The following WDR5 variants were observed in gnomAD, a reference collection of about 807,000 sequenced individuals.
The protein encoded by WDR5 is WD repeat domain 5, also known as WD repeat-containing protein 5.
For synonymous variants in WDR5, 144 were observed against 161.6 expected, an observed-to-expected ratio of 0.89 and a Z score of 0.83; for missense variants, 187 against 416.9, an observed-to-expected ratio of 0.45 and a Z score of 4.80.
intron 7 of WDR5, among the ~76,000 whole-genome samples, chr9:134,145,424 A>G (rs908985149): frequency 1.3e-5 from 2 of 152,148 alleles, no homozygotes; most frequent in Non-Finnish European, 1.5e-5. Context: ...GTCTGCGCAC[A>G]TCTATGCCCT....
At chr9:134,142,159 C>T (rs1831925133) in intron 5 of WDR5, 121 bp downstream of exon 5, 6 of 483,230 alleles carry the variant, frequency 1.2e-5, no homozygotes, top group Middle Eastern at 4.6e-4. Context: ...GGAAGACTGG[C>T]TGCAGGGGCA....
chr9:134,140,860 C>T (rs1831848040), intron 3 of WDR5, 49 bp downstream of exon 3: 1 of 1,567,816 alleles, frequency 6.4e-7, no homozygotes, highest in East Asian at 2.2e-5. Context: ...GTCTGAGCTG[C>T]AGACAAAAAG....
At chr9:134,155,672 G>C in intron 11 of WDR5, 21 bp from the exon 12 acceptor site, 1 of 1,612,986 alleles carries the variant, frequency 6.2e-7, no homozygotes, top group Non-Finnish European at 8.5e-7. Context: ...TCTGTGACCA[G>C]CCTGTCCCCT....
rs113336732 is a variant in WDR5, at chr9:134,159,695, G to A, written c.*1702G>A. Reference sequence around the variant, plus strand: ...TGAAAATGGGTTGGTTTTTGTCTTCGACGCTCAGGGTCTGGGCGCCTCGCA... The same window carrying A: ...TGAAAATGGGTTGGTTTTTGTCTTCAACGCTCAGGGTCTGGGCGCCTCGCA... On this transcript the variant is annotated 3_prime_UTR_variant, in exon 14 of 14. Coordinates refer to ENST00000358625, the MANE Select transcript of WDR5 (RefSeq NM_017588.3). The surrounding 1 kb of genome is among the most constrained non-coding windows in gnomAD (Gnocchi z 4.3). 6.6e-6 allele frequency: 1 copy of A among 152,142 alleles called. No homozygotes were observed. The allele number at this position is 152,142 out of a possible 1,614,324, so 9.4% of individuals were successfully genotyped here. A position where few individuals can be genotyped will look rare whatever the true frequency, so the allele number is the denominator to read the frequency against.
chr9:134,143,358 T>C (rs1834779884), intron 7 of WDR5, among the ~76,000 whole-genome samples: 1 of 152,116 alleles, frequency 6.6e-6, no homozygotes, highest in African/African-American at 2.4e-5. Flanking sequence ...CTGGCCAACA[T>C]GGTGAAACCC....
chr9:134,155,568 G>T, intron 11 of WDR5, 125 bp from the exon 12 acceptor site: 1 of 1,271,186 alleles, frequency 7.9e-7, no homozygotes, highest in Middle Eastern at 1.9e-4. Flanking sequence ...GATTGTGTGG[G>T]TTTGGTACTT....
intron 1 of WDR5, among the ~76,000 whole-genome samples, chr9:134,137,626 G>A (rs1283050257): frequency 6.8e-6 from 1 of 147,174 alleles, no homozygotes; most frequent in Admixed American, 7.0e-5. Flanking sequence ...GGAGGTTGTA[G>A]TGAGCCCAGA....
chr9:134,157,278 C>T lies in WDR5; in HGVS notation c.905-615C>T, dbSNP rs1038803658. ...GGGCCTGGGCCTTCCCCTGGGTCCT[C>T]GCCGGCGTTCTGGGGTTCTTTGGTT... On this transcript the variant is annotated intron_variant, in intron 13 of 13. Coordinates refer to ENST00000358625, the MANE Select transcript of WDR5 (RefSeq NM_017588.3). This position sits in a 1 kb window ranked among gnomAD's most constrained non-coding sequence, Gnocchi z 5.0. 2.0e-5 allele frequency among the ~76,000 whole-genome samples: 3 copies of T among 152,204 alleles called. No homozygotes were observed. Among genetic ancestry groups the T allele is most frequent in the Admixed American group, 6.5e-5 (1 of 15,290 alleles).
intron 8 of WDR5, among the ~76,000 whole-genome samples, chr9:134,150,548 T>C (rs906045369): frequency 2.6e-5 from 4 of 152,004 alleles, no homozygotes; most frequent in Non-Finnish European, 5.9e-5. Context: ...TTGTTGGGAG[T>C]TTCTAGTTAG....
intron 4 of WDR5, 49 bp downstream of exon 4, chr9:134,141,632 C>T (rs752590047): frequency 1.3e-6 from 2 of 1,594,604 alleles, no homozygotes; most frequent in South Asian, 2.2e-5. Flanking sequence ...CAGGGTGGCT[C>T]TAGTGATCAA....
intron 9 of WDR5, among the ~76,000 whole-genome samples, chr9:134,153,572 G>A (rs1832600712): frequency 6.6e-6 from 1 of 152,232 alleles, no homozygotes; most frequent in African/African-American, 2.4e-5. Context: ...TGCCCCTGAG[G>A]GAGGGACCGC....
chr9:134,140,414 GA>G (rs1831823618), intron 2 of WDR5, among the ~76,000 whole-genome samples: 1 of 151,952 alleles, frequency 6.6e-6, no homozygotes, highest in African/African-American at 2.4e-5. Flanking sequence ...GAGGTGGGGG[GA>G]TGAGGTGGAT....
At chr9:134,155,802 C>T in intron 12 of WDR5, 35 bp downstream of exon 12, 1 of 1,597,630 alleles carries the variant, frequency 6.3e-7, no homozygotes, top group Non-Finnish European at 8.6e-7. Context: ...CTCACCTGTT[C>T]CCAGCTTACT....
intron 12 of WDR5, 85 bp from the exon 13 acceptor site, chr9:134,156,421 C>A: frequency 7.3e-7 from 1 of 1,361,020 alleles, no homozygotes. Flanking sequence ...TGGGGCAGGG[C>A]ATAACTGGAG....
At chr9:134,151,440 A>C (rs542006453) in intron 8 of WDR5, among the ~76,000 whole-genome samples, 171 of 152,342 alleles carry the variant, frequency 1.1e-3, no homozygotes, top group Middle Eastern at 0.01. Context: ...GTGCTAACAC[A>C]GTGGGCTCTG....
intron 7 of WDR5, among the ~76,000 whole-genome samples, chr9:134,143,283 G>A (rs2132538097): frequency 6.6e-6 from 1 of 152,336 alleles, no homozygotes; most frequent in African/African-American, 2.4e-5. Context: ...GCTCACGCCT[G>A]CAATCCCAGC....
chr9:134,142,509 G>A, intron 6 of WDR5, 87 bp downstream of exon 6: 1 of 1,562,346 alleles, frequency 6.4e-7, no homozygotes, highest in South Asian at 1.1e-5. Context: ...CTGTGGAGAA[G>A]GCAGGTGGGC....
In WDR5 at chr9:134,155,384, G is replaced by T. The variant is rs752428570; in HGVS notation, c.741+11G>T. On this transcript the variant is annotated intron_variant, in intron 11 of 13. Coordinates refer to ENST00000358625, the MANE Select transcript of WDR5 (RefSeq NM_017588.3). ...TACAGCAAGGGGAAGGTGAGCCCCC[G>T]CAGGCTTGGGCCCCCATGGTGCACC... is the stretch of plus-strand genomic sequence containing the variant. The T allele has an allele frequency of 6.2e-6, 10 of 1,600,598 alleles. No homozygotes were observed. The highest frequency in any genetic ancestry group is 1.1e-5 in the South Asian group (1 of 88,926).
intron 8 of WDR5, among the ~76,000 whole-genome samples, chr9:134,150,004 A>G (rs995855217): frequency 2.6e-5 from 4 of 152,344 alleles, no homozygotes; most frequent in East Asian, 1.9e-4. Context: ...GTGACTTTGT[A>G]TCTGAATCCA....
Sources: allele counts gnomAD v4.1 joint callset (sites outside exome capture counted in the v4.1 genomes callset), GRCh38; gene constraint gnomAD v4.1.1; non-coding constraint Gnocchi (gnomAD v3.1); transcripts MANE v1.5; gene names NCBI Gene and HGNC (gene_info 2026-07-23, HGNC 2026-07-21).